Variants in SLC17A1 observed in about 807,000 individuals in gnomAD.
SLC17A1 encodes solute carrier family 17 member 1.
Under a neutral mutation model 53.5 loss-of-function variants are expected in SLC17A1, and 51 were observed. That is an observed-to-expected ratio of 0.95 (90% CI 0.76 to 1.20). The LOEUF (loss-of-function observed/expected upper bound fraction) is 1.20, where lower values mean the gene tolerates loss of function less well. Among genes scored for constraint, SLC17A1 ranks in the 50% most tolerant of loss-of-function variants. The pLI, the probability that SLC17A1 is intolerant of heterozygous loss-of-function variation, is 0.00. For synonymous variants in SLC17A1, 179 were observed against 198.8 expected, an observed-to-expected ratio of 0.90 and a Z score of 0.84; for missense variants, 538 against 568.2, an observed-to-expected ratio of 0.95 and a Z score of 0.54.
chr6:25,753,874 A>G, the SLC17A1 span, among the ~76,000 whole-genome samples: 2 of 152,112 alleles, frequency 1.3e-5, no homozygotes, highest in Non-Finnish European at 1.5e-5. Context: ...TCTCCTTGGG[A>G]GTGAGTTTAG....
At chr6:25,763,640 G>A in the SLC17A1 span, among the ~76,000 whole-genome samples, 55 of 152,068 alleles carry the variant, frequency 3.6e-4, no homozygotes, top group African/African-American at 1.2e-3. Flanking sequence ...GGGTTCCATG[G>A]GATGTGGAGA....
the SLC17A1 span, among the ~76,000 whole-genome samples, chr6:25,748,300 CA>C: frequency 6.6e-6 from 1 of 152,118 alleles, no homozygotes; most frequent in Non-Finnish European, 1.5e-5. Context: ...TGAAATTACA[CA>C]ACACACCTGA....
the SLC17A1 span, among the ~76,000 whole-genome samples, chr6:25,730,888 A>G: frequency 6.6e-6 from 1 of 152,254 alleles, no homozygotes; most frequent in South Asian, 2.1e-4. Flanking sequence ...GAGATGGTGT[A>G]TAATCAGACA....
chr6:25,767,486 C>G, the SLC17A1 span, among the ~76,000 whole-genome samples: 564 of 152,218 alleles, frequency 3.7e-3, 4 homozygotes, highest in African/African-American at 0.012. Context: ...AGCTCAGTAC[C>G]TTGCCCCAGA....
chr6:25,732,741 C>T, the SLC17A1 span: 6 of 1,162,372 alleles, frequency 5.2e-6, no homozygotes, highest in Non-Finnish European at 7.4e-6. Flanking sequence ...GTGACAATGG[C>T]TTAGGGTGAC....
At chr6:25,732,045 A>AT in the SLC17A1 span, 2 of 1,355,060 alleles carry the variant, frequency 1.5e-6, no homozygotes, top group Non-Finnish European at 1.0e-6. Flanking sequence ...GTAGATGTAA[A>AT]TAGAATAGCT....
At chr6:25,785,697 CAG>C (rs900473493) in intron 12 of SLC17A1, among the ~76,000 whole-genome samples, 2 of 151,446 alleles carry the variant, frequency 1.3e-5, no homozygotes, top group African/African-American at 4.9e-5. Flanking sequence ...TGTAAAAAAA[CAG>C]AAGAATAGCC....
chr6:25,770,249 T>C, the SLC17A1 span: 1 of 1,614,168 alleles, frequency 6.2e-7, no homozygotes, highest in South Asian at 1.1e-5. Flanking sequence ...TGGCAGCTAA[T>C]GCGGGAGTGG....
intron 12 of SLC17A1, among the ~76,000 whole-genome samples, chr6:25,792,875 C>A (rs943955807): frequency 6.6e-6 from 1 of 152,188 alleles, no homozygotes; most frequent in Non-Finnish European, 1.5e-5. Context: ...GCCAACATCT[C>A]TCACTTGAAC....
At chr6:25,826,671 G>A in intron 2 of SLC17A1, 38 bp from the exon 3 acceptor site, 4 of 1,471,750 alleles carry the variant, frequency 2.7e-6, no homozygotes, top group Non-Finnish European at 3.6e-6. Flanking sequence ...TGCTGACAGA[G>A]CTGAGATAAA....
At chr6:25,770,623 C>A in the SLC17A1 span, 1 of 700,618 alleles carries the variant, frequency 1.4e-6, no homozygotes, top group Non-Finnish European at 2.5e-6. Context: ...TTGATTGTAA[C>A]TGAATAAACT....
chr6:25,805,724 A>G (rs1170156849), intron 10 of SLC17A1, among the ~76,000 whole-genome samples: 5 of 152,120 alleles, frequency 3.3e-5, no homozygotes, highest in Admixed American at 1.3e-4. Flanking sequence ...AGACCATTAG[A>G]GACTACTATG....
chr6:25,786,755 C>A (rs1440296646), intron 12 of SLC17A1, among the ~76,000 whole-genome samples: 1 of 152,130 alleles, frequency 6.6e-6, no homozygotes, highest in Non-Finnish European at 1.5e-5. Flanking sequence ...CCCCTCCTTT[C>A]TCTCCTGGTC....
chr6:25,731,436 C>T, the SLC17A1 span, among the ~76,000 whole-genome samples: 1 of 152,142 alleles, frequency 6.6e-6, no homozygotes, highest in South Asian at 2.1e-4. Flanking sequence ...TTGCTGTCAT[C>T]GTAGAGTGTT....
At chr6:25,754,084 G>T in the SLC17A1 span, among the ~76,000 whole-genome samples, 1 of 152,166 alleles carries the variant, frequency 6.6e-6, no homozygotes, top group Admixed American at 6.5e-5. Context: ...TGGGGCCTGG[G>T]ATGTGACCAC....
chr6:25,726,360 T>C, the SLC17A1 span: 1 of 1,614,180 alleles, frequency 6.2e-7, no homozygotes, highest in Non-Finnish European at 8.5e-7. Flanking sequence ...TGAGATACTC[T>C]AACACTGCCG....
chr6:25,827,841 C>G (rs754508560), intron 2 of SLC17A1, among the ~76,000 whole-genome samples: 1 of 152,116 alleles, frequency 6.6e-6, no homozygotes, highest in Non-Finnish European at 1.5e-5. Context: ...CTACTACAGT[C>G]CACCATCTGG....
the SLC17A1 span, among the ~76,000 whole-genome samples, chr6:25,731,207 G>T: frequency 6.6e-6 from 1 of 152,200 alleles, no homozygotes; most frequent in South Asian, 2.1e-4. Context: ...AGTTCAAGGG[G>T]AGTTAGCCTG....
At chr6:25,747,067 A>G in the SLC17A1 span, among the ~76,000 whole-genome samples, 1 of 152,216 alleles carries the variant, frequency 6.6e-6, no homozygotes, top group African/African-American at 2.4e-5. Context: ...TTCACCAACA[A>G]TATCACCAAC....
Sources: allele counts gnomAD v4.1 joint callset (sites outside exome capture counted in the v4.1 genomes callset), GRCh38; gene constraint gnomAD v4.1.1; transcripts MANE v1.5; gene names NCBI Gene and HGNC (gene_info 2026-07-23, HGNC 2026-07-21).